Variants in DTNB observed in about 807,000 individuals in gnomAD.
The protein encoded by DTNB is dystrobrevin beta.
A neutral mutation model predicts 90.7 loss-of-function variants in DTNB; 63 were observed. The observed-to-expected ratio is 0.69, with a 90% CI of 0.57 to 0.86. The LOEUF is 0.86. Among genes scored for constraint, DTNB ranks in the 40% least tolerant of loss-of-function variants. The pLI is 0.00. For missense variants in DTNB, 744 were observed against 807.1 expected (o/e 0.92, Z 0.95); for synonymous variants, 277 against 286.7 (o/e 0.97, Z 0.34).
At chr2:25,469,317 A>G (rs553412292) in intron 10 of DTNB, among the ~76,000 whole-genome samples, 1 of 152,266 alleles carries the variant, frequency 6.6e-6, no homozygotes, top group East Asian at 1.9e-4. Flanking sequence ...TGCAGGTGAG[A>G]GAATTTACAG....
rs141217224 is a variant in DTNB at position 25,540,666 on chromosome 2, C to T, written c.877-9069G>A. ...CTGTGTCTGTGTAGAAAGAAGTAGACATGGGAGACTTTTCATTTTGTTCTG... is the reference window on the plus strand; with the variant it reads ...CTGTGTCTGTGTAGAAAGAAGTAGATATGGGAGACTTTTCATTTTGTTCTG... On this transcript the variant is annotated intron_variant, in intron 8 of 20. Transcript: ENST00000406818. Among the ~76,000 whole-genome samples, 961 of 152,114 alleles carry T rather than the reference C, an allele frequency of 6.3e-3. 6 individuals are homozygous for T. Among genetic ancestry groups the T allele is most frequent in the African/African-American group, 0.022 (927 of 41,492 alleles).
At chr2:25,638,378 C>T (rs1241193613) in intron 3 of DTNB, among the ~76,000 whole-genome samples, 1 of 152,158 alleles carries the variant, frequency 6.6e-6, no homozygotes, top group Non-Finnish European at 1.5e-5. Flanking sequence ...TAAATAAAAA[C>T]TAAAACCAAG....
In DTNB at chr2:25,451,557, T is replaced by G; in HGVS notation, c.1248A>C (p.Ala416=). The G allele has an allele frequency of 1.2e-6, 2 of 1,607,508 alleles. No individual in the cohort carries two copies. The highest frequency in any genetic ancestry group is 1.7e-6 in the Non-Finnish European group (2 of 1,176,906). Residue 416 remains alanine, a synonymous_variant, in exon 12 of 21, where the codon GCA becomes GCC. Transcript: ENST00000406818. ...TCCTCCATTAACTTACCACGTTTCC[T>G]GCTTCTGCAGCCAGCCGGGCAGCAT... ...ARYAARLAAE[A]GNVTRPPTDL...
At chr2:25,559,447 T>C (rs2057910783) in intron 8 of DTNB, among the ~76,000 whole-genome samples, 1 of 152,202 alleles carries the variant, frequency 6.6e-6, no homozygotes. Context: ...AGAACCACAC[T>C]GCCACTCTCA....
intron 8 of DTNB, among the ~76,000 whole-genome samples, chr2:25,551,177 G>C (rs1228356185): frequency 3.3e-5 from 5 of 152,098 alleles, no homozygotes; most frequent in Non-Finnish European, 5.9e-5. Context: ...CCCATCCAAT[G>C]AGTTTACTTT....
In DTNB at chr2:25,392,928, G is replaced by A. The variant is rs866425941; in HGVS notation, c.1576-4567C>T. Among the ~76,000 whole-genome samples, 6 of 152,148 alleles carry A rather than the reference G, an allele frequency of 3.9e-5. No individual in the cohort carries two copies. In the Middle Eastern group the frequency reaches 0.014, roughly 345 times the overall value. On this transcript the variant is annotated intron_variant, in intron 16 of 20. Coordinates refer to ENST00000406818, the MANE Select transcript of DTNB (RefSeq NM_021907.5). ...GTATAACCCTAATACCAAAACCAGG[G>A]AAGGACATAACAAAACAAGAAAGCT...
chr2:25,482,396 TAC>T (rs774504015), intron 10 of DTNB, among the ~76,000 whole-genome samples: 1 of 152,174 alleles, frequency 6.6e-6, no homozygotes, highest in Non-Finnish European at 1.5e-5. Flanking sequence ...TAATTCAATT[TAC>T]ACAGTCTAAT....
intron 4 of DTNB, among the ~76,000 whole-genome samples, chr2:25,613,807 A>C (rs974317578): frequency 2.0e-5 from 3 of 152,082 alleles, no homozygotes; most frequent in Non-Finnish European, 4.4e-5. Flanking sequence ...AAAATACAAA[A>C]ATTAGCCGGG....
At chr2:25,577,882 C>T (rs572956649) in intron 7 of DTNB, among the ~76,000 whole-genome samples, 1 of 152,290 alleles carries the variant, frequency 6.6e-6, no homozygotes, top group Non-Finnish European at 1.5e-5. Context: ...TGCCTGTAAT[C>T]CCAGCTACTT....
At chr2:25,444,122 AC>A (rs1457716012) in intron 12 of DTNB, among the ~76,000 whole-genome samples, 1 of 152,156 alleles carries the variant, frequency 6.6e-6, no homozygotes, top group African/African-American at 2.4e-5. Flanking sequence ...GGGAAAAAAA[AC>A]CCTTAAAGGT....
chr2:25,379,239 C>T, intron 20 of DTNB, 51 bp downstream of exon 20: 1 of 1,300,550 alleles, frequency 7.7e-7, no homozygotes. Context: ...AGGGAAGATG[C>T]TGAGGAAGGA....
chr2:25,596,271 T>G lies in DTNB; in HGVS notation c.449-31A>C, dbSNP rs376420213. 1.5e-5 allele frequency: 23 copies of G among 1,563,886 alleles called. No homozygotes were observed. The African/African-American group carries it at 2.6e-4, about 18-fold the overall frequency. On this transcript the variant is annotated intron_variant, in intron 5 of 20. Coordinates refer to ENST00000406818, the MANE Select transcript of DTNB (RefSeq NM_021907.5). ...AGAACAAAACCAAATAAAGTCAAGC[T>G]ATAAGGAAATATCAGCTTTTTATAA...
chr2:25,420,414 C>A (rs997472970), intron 15 of DTNB, among the ~76,000 whole-genome samples: 12 of 34,472 alleles, frequency 3.5e-4, no homozygotes, highest in African/African-American at 8.9e-4. Context: ...TTTATTTAGT[C>A]CTCTTATGCA....
chr2:25,491,962 G>A (rs2067611961), intron 9 of DTNB, among the ~76,000 whole-genome samples: 2 of 151,790 alleles, frequency 1.3e-5, no homozygotes, highest in Non-Finnish European at 2.9e-5. Context: ...GAGCCAAATC[G>A]TGGGAGCAAG....
In DTNB at chr2:25,433,060, T is replaced by C. The variant is rs1252851116; in HGVS notation, c.1344-61A>G. On this transcript the variant is annotated intron_variant, in intron 13 of 20. Coordinates refer to ENST00000406818, the MANE Select transcript of DTNB (RefSeq NM_021907.5). ...GTGCTTCTCACTCACGCTCCCTCTT[T>C]CCCTATTACAACTTTTCAACTCTAG... The C allele has an allele frequency of 1.4e-5, 21 of 1,469,862 alleles. No individual in the cohort carries two copies. In the East Asian group the frequency reaches 4.4e-4, roughly 31 times the overall value. 91.1% of individuals were successfully genotyped at this position (1,469,862 alleles called of 1,614,324 possible).
At chr2:25,421,885 G>A (rs1190040935) in intron 15 of DTNB, among the ~76,000 whole-genome samples, 2 of 152,214 alleles carry the variant, frequency 1.3e-5, no homozygotes, top group Non-Finnish European at 2.9e-5. Context: ...GATATATCAG[G>A]TTAGGCTGGG....
At chr2:25,448,930 T>C (rs139111776) in intron 12 of DTNB, among the ~76,000 whole-genome samples, 40 of 152,182 alleles carry the variant, frequency 2.6e-4, no homozygotes, top group African/African-American at 7.9e-4. Context: ...CACACCCCTA[T>C]TGAAATGTGG....
chr2:25,470,909 G>A (rs761178891), intron 10 of DTNB, among the ~76,000 whole-genome samples: 28 of 152,064 alleles, frequency 1.8e-4, no homozygotes, highest in Non-Finnish European at 4.1e-4. Flanking sequence ...AATACACAAT[G>A]TCAAGGCACT....
At chr2:25,441,401 T>C (rs1271074944) in intron 12 of DTNB, among the ~76,000 whole-genome samples, 1 of 152,236 alleles carries the variant, frequency 6.6e-6, no homozygotes, top group Non-Finnish European at 1.5e-5. Context: ...AAATATATTC[T>C]ACTTATTGCA....
Sources: gnomAD v4.1 joint callset for allele counts (sites outside exome capture counted in the v4.1 genomes callset) on GRCh38, gnomAD v4.1.1 for gene constraint, MANE v1.5 for transcripts, NCBI Gene and HGNC (gene_info 2026-07-23, HGNC 2026-07-21) for gene names.